Variants in CASC3 observed in about 807,000 individuals in gnomAD.
The protein encoded by CASC3 is CASC3 exon junction complex subunit, also known as protein CASC3.
In CASC3, 30 loss-of-function variants were observed where a neutral mutation model predicts 80.5. That is an observed-to-expected ratio of 0.37 (90% confidence interval 0.28 to 0.51). The LOEUF (loss-of-function observed/expected upper bound fraction) is 0.51, where lower values mean the gene tolerates loss of function less well. CASC3 is among the 20% of genes least tolerant of loss of function. The pLI is 0.94. For missense variants in CASC3, 824 were observed against 922.2 expected (o/e 0.89, Z 1.38); for synonymous variants, 312 against 333.6 (o/e 0.94, Z 0.70).
In CASC3 at chr17:40,163,592, G is replaced by C. The variant is rs201628547; in HGVS notation, c.897G>C (p.Arg299Ser). Residue 299 changes from arginine to serine, a missense_variant, in exon 7 of 14, where the codon AGG (arginine) becomes AGC (serine). Physicochemically the swap from Arg to Ser is moderately radical, Grantham distance 110 (BLOSUM62 -1). Around this residue, in one of 3 missense-constraint regions of CASC3, gnomAD observed 201 missense variants for 294.1 expected, o/e 0.68. Transcript: ENST00000264645. ...GTLPPRTFIN[R>S]NAAGTGRMSA... ...TACCACCAAGGACATTTATTAACAG[G>C]AATGCTGCAGGTACCGGCCGTATGT... The C allele has an allele frequency of 6.4e-5, 103 of 1,614,006 alleles. No homozygotes were observed. The highest frequency in any genetic ancestry group is 1.4e-4 in the South Asian group (13 of 91,088).
At chr17:40,169,272 G>C in intron 11 of CASC3, 52 bp from the exon 12 acceptor site, 2 of 1,463,486 alleles carry the variant, frequency 1.4e-6, no homozygotes, top group Non-Finnish European at 1.8e-6. Context: ...TTCATCATAG[G>C]TTGGATGAAT....
chr17:40,141,504 C>T (rs943794937), intron 2 of CASC3, 66 bp from the exon 3 acceptor site: 1 of 1,351,766 alleles, frequency 7.4e-7, no homozygotes, highest in Admixed American at 1.8e-5. Context: ...TTAGTCTGAC[C>T]TGTAATAAGC....
intron 3 of CASC3, among the ~76,000 whole-genome samples, chr17:40,160,164 C>T (rs150866008): frequency 5.9e-5 from 9 of 152,066 alleles, no homozygotes; most frequent in South Asian, 2.1e-4. Context: ...TCACAACTTA[C>T]GTCAAAGTAT....
intron 3 of CASC3, 65 bp from the exon 4 acceptor site, chr17:40,161,688 G>A: frequency 7.0e-7 from 1 of 1,418,744 alleles, no homozygotes; most frequent in Non-Finnish European, 9.9e-7. Flanking sequence ...GTTGGGGGCA[G>A]GGGTGGGAAT....
chr17:40,163,047 CCT>C, intron 6 of CASC3, 146 bp downstream of exon 6: 1 of 543,222 alleles, frequency 1.8e-6, no homozygotes, highest in South Asian at 3.3e-5. Context: ...ATAGTGAGAC[CCT>C]GTCTCCAAAA....
intron 3 of CASC3, among the ~76,000 whole-genome samples, chr17:40,151,279 T>A (rs1330773621): frequency 3.3e-5 from 5 of 152,162 alleles, no homozygotes; most frequent in Non-Finnish European, 5.9e-5. Context: ...TGGCACAATC[T>A]TGGTTCACTG....
At chr17:40,147,702 G>A (rs1988895082) in intron 3 of CASC3, among the ~76,000 whole-genome samples, 1 of 152,132 alleles carries the variant, frequency 6.6e-6, no homozygotes, top group African/African-American at 2.4e-5. Flanking sequence ...GTTGAATGGT[G>A]TTAACTGTTA....
intron 3 of CASC3, among the ~76,000 whole-genome samples, chr17:40,146,338 A>T (rs1364948995): frequency 1.3e-5 from 2 of 152,102 alleles, no homozygotes; most frequent in Non-Finnish European, 2.9e-5. Flanking sequence ...CATCCTGGTA[A>T]ACCCATCATA....
At chr17:40,169,562 A>G (rs1235373586) in intron 12 of CASC3, 36 bp from the exon 13 acceptor site, 6 of 1,588,642 alleles carry the variant, frequency 3.8e-6, no homozygotes, top group Non-Finnish European at 4.3e-6. Context: ...TCTTTTTGTT[A>G]TGACCTGATA....
intron 8 of CASC3, 68 bp from the exon 9 acceptor site, chr17:40,167,430 A>G (rs1399654938): frequency 9.0e-7 from 1 of 1,106,176 alleles, no homozygotes; most frequent in Non-Finnish European, 1.4e-6. Context: ...CAACACCTAA[A>G]GGAAGGTAGG....
chr17:40,170,619 C>G lies in CASC3; in HGVS notation c.*214C>G. Reference sequence around the variant, plus strand: ...GAGAAACAAGTGGACCTCGTCCCATCTTCACTCTTCACTTGAGTTGGCTGT... The same window carrying G: ...GAGAAACAAGTGGACCTCGTCCCATGTTCACTCTTCACTTGAGTTGGCTGT... On this transcript the variant is annotated 3_prime_UTR_variant, in exon 14 of 14. Coordinates refer to ENST00000264645, the MANE Select transcript of CASC3 (RefSeq NM_007359.5). 7 of 985,546 alleles carry G rather than the reference C, an allele frequency of 7.1e-6. No individual in the cohort carries two copies. The highest frequency in any genetic ancestry group is 7.2e-6 in the Non-Finnish European group (6 of 829,948). 61.1% of individuals were successfully genotyped at this position (985,546 alleles called of 1,614,324 possible).
At position 40,140,580 on chromosome 17, in the gene CASC3, A is replaced by T; in HGVS notation, c.32A>T (p.Gln11Leu). MADRRRQRAS[Q>L]DTEDEESGAS... ...GACCGGCGGCGGCAGCGCGCTTCGCAAGACACCGAGGACGAGGAATCTGGT... is the reference window on the plus strand; with the variant it reads ...GACCGGCGGCGGCAGCGCGCTTCGCTAGACACCGAGGACGAGGAATCTGGT... The change falls in exon 1 of 14, where the codon CAA becomes CTA. Residue 11 changes from glutamine (Q) to leucine (L), a missense_variant. Coordinates refer to ENST00000264645, the MANE Select transcript of CASC3 (RefSeq NM_007359.5). 1 of 1,609,470 alleles carries T rather than the reference A, an allele frequency of 6.2e-7. No individual in the cohort carries two copies. Among genetic ancestry groups the T allele is most frequent in the Non-Finnish European group, 8.5e-7 (1 of 1,179,488 alleles).
At chr17:40,141,362 A>T (rs1988712015) in intron 2 of CASC3, 128 bp downstream of exon 2, 4 of 955,788 alleles carry the variant, frequency 4.2e-6, no homozygotes, top group Non-Finnish European at 6.8e-6. Context: ...TTTTTGTAAC[A>T]TAGTGGTTAA....
At chr17:40,156,956 T>C (rs1183001512) in intron 3 of CASC3, among the ~76,000 whole-genome samples, 2 of 151,822 alleles carry the variant, frequency 1.3e-5, no homozygotes, top group African/African-American at 4.8e-5. Context: ...GGCAGGAGGA[T>C]CACTCGAGCC....
chr17:40,165,965 C>T (rs976809488), intron 7 of CASC3, among the ~76,000 whole-genome samples: 2 of 151,394 alleles, frequency 1.3e-5, no homozygotes, highest in Admixed American at 1.3e-4. Flanking sequence ...CGGGGGGTCT[C>T]ACTGTGTTTT....
rs371381224 is a variant in CASC3 at position 40,161,870 on chromosome 17, A to G, written c.415A>G (p.Lys139Glu). 5 of 1,614,068 alleles carry G rather than the reference A, an allele frequency of 3.1e-6. No individual in the cohort carries two copies. Among genetic ancestry groups the G allele is most frequent in the Non-Finnish European group, 3.4e-6 (4 of 1,180,024 alleles). ...GAAGGGAGAAGAAAAGCCTGACACC[A>G]AAAGCACTGTGACTGGAGAGAGGCA... ...EEKGEEKPDT[K>E]STVTGERQSG... Residue 139 changes from lysine (K) to glutamate (E), a missense_variant, in exon 4 of 14, where the codon AAA (lysine) becomes GAA (glutamate). Transcript: ENST00000264645.
rs929459617 is a variant in CASC3, at chr17:40,168,446, A to G, written c.1965+29A>G. On this transcript the variant is annotated intron_variant, in intron 11 of 13. Transcript: ENST00000264645. ...AGATGGCTAATGATCATGTTTTTCTAGATACACATTCTTTAATTCAGACAG... is the reference window on the plus strand; with the variant it reads ...AGATGGCTAATGATCATGTTTTTCTGGATACACATTCTTTAATTCAGACAG... The G allele has an allele frequency of 1.9e-6, 3 of 1,582,366 alleles. No homozygotes were observed. The African/African-American group carries it at 4.0e-5, about 21-fold the overall frequency.
intron 11 of CASC3, chr17:40,168,876 C>T (rs1301256532): frequency 4.8e-6 from 1 of 209,954 alleles, no homozygotes; most frequent in Non-Finnish European, 9.7e-6. Flanking sequence ...AGGCATAAGC[C>T]ACCGCACCCA....
rs1426002444 is a variant in CASC3, at chr17:40,166,894, G to T, written c.1536+33G>T. 3 of 1,510,278 alleles carry T rather than the reference G, an allele frequency of 2.0e-6. No individual in the cohort carries two copies. In the East Asian group the frequency reaches 6.8e-5, roughly 34 times the overall value. The allele number at this position is 1,510,278 out of a possible 1,614,324, so 93.6% of individuals were successfully genotyped here. On this transcript the variant is annotated intron_variant, in intron 8 of 13. Transcript: ENST00000264645. ...AGGGGAAAGGGGTAGATGGGGGAGG[G>T]AGCTGCCTGTTACACAGCTTGTTCA...
Sources: gnomAD v4.1 joint callset for allele counts (sites outside exome capture counted in the v4.1 genomes callset) on GRCh38, gnomAD v4.1.1 for gene constraint, gnomAD v4.1.1 regional missense constraint, MANE v1.5 for transcripts, NCBI Gene and HGNC (gene_info 2026-07-23, HGNC 2026-07-21) for gene names.